CD46: variants seen among roughly 807,000 people sequenced by gnomAD.
CD46 encodes the protein CD46 molecule.
CD46 carries 30 observed loss-of-function variants against 53.3 expected under a neutral mutation model. The observed-to-expected ratio is 0.56, with a 90% CI of 0.42 to 0.76. The LOEUF (loss-of-function observed/expected upper bound fraction) is 0.76. Among genes scored for constraint, CD46 ranks in the 30% least tolerant of loss-of-function variants. CD46 has a pLI of 0.00. For synonymous variants in CD46, 142 were observed against 152.0 expected (o/e 0.93, Z 0.48); for missense variants, 409 against 463.0 (o/e 0.88, Z 1.07).
chr1:207,776,507 TA>T (rs1658123747), intron 8 of CD46, among the ~76,000 whole-genome samples: 1 of 152,264 alleles, frequency 6.6e-6, no homozygotes, highest in Non-Finnish European at 1.5e-5. Context: ...TTTTTTTACT[TA>T]AAATTTTTTT....
chr1:207,764,143 T>C (rs1157002110), intron 5 of CD46, among the ~76,000 whole-genome samples: 1 of 152,178 alleles, frequency 6.6e-6, no homozygotes, highest in Non-Finnish European at 1.5e-5. Flanking sequence ...CGCCTTGTGA[T>C]AGGCGGTGTT....
chr1:207,769,982 T>C, intron 7 of CD46: 1 of 253,110 alleles, frequency 4.0e-6, no homozygotes, highest in South Asian at 4.8e-5. Flanking sequence ...GCCTGGCTAG[T>C]CTCGAACTCC....
At position 207,752,161 on chromosome 1, in the gene CD46, C is replaced by A. The variant is rs965455309; in HGVS notation, c.-52C>A. ...AAGGGACTTCCCTGCTCGGCTGGCT[C>A]TCGGTTTCTCTGCTTTCCTCCGGAG... On this transcript the variant is annotated 5_prime_UTR_variant, in exon 1 of 13. Transcript: ENST00000367042. The surrounding 1 kb of genome is among the most constrained non-coding windows in gnomAD (Gnocchi z 4.1). The A allele has an allele frequency of 1.9e-6, 3 of 1,556,006 alleles. No homozygotes were observed. In the African/African-American group the frequency reaches 4.1e-5, roughly 21 times the overall value.
intron 5 of CD46, 131 bp downstream of exon 5, chr1:207,761,577 T>G: frequency 4.0e-6 from 3 of 750,356 alleles, no homozygotes; most frequent in Non-Finnish European, 6.8e-6. Flanking sequence ...CTAATTTATT[T>G]TAATTCAGGT....
In CD46 at chr1:207,793,769, T is replaced by C; in HGVS notation, c.*292T>C. The C allele has an allele frequency of 1.5e-6, 1 of 673,848 alleles. No individual in the cohort carries two copies. Among genetic ancestry groups the C allele is most frequent in the Non-Finnish European group, 2.7e-6 (1 of 364,202 alleles). The allele number at this position is 673,848 out of a possible 1,614,324, so 41.7% of individuals were successfully genotyped here. ...TTTGAAACTTGTATGAATTTGGGTATGAACAGATTGCCTGCTTTCCCTTAA... is the reference window on the plus strand; with the variant it reads ...TTTGAAACTTGTATGAATTTGGGTACGAACAGATTGCCTGCTTTCCCTTAA... On this transcript the variant is annotated 3_prime_UTR_variant, in exon 13 of 13. Coordinates refer to ENST00000367042, the MANE Select transcript of CD46 (RefSeq NM_172351.3).
Position 207,785,054 on chromosome 1 carries a change from AC to A in CD46, c.983-16del, listed in dbSNP as rs1345747111. 1.2e-6 allele frequency: 2 copies of A among 1,608,862 alleles called. No individual in the cohort carries two copies. Among genetic ancestry groups the A allele is most frequent in the African/African-American group, 2.7e-5 (2 of 74,844 alleles). The stretch of plus-strand genomic sequence containing the variant: ...AGATCCATGTGTTCAACATCTTGGA[AC>A]TGTTTTCTTTCTCAGATGTTTGGGT... On this transcript the variant is annotated splice_polypyrimidine_tract_variant and intron_variant, in intron 9 of 12. Coordinates refer to ENST00000367042, the MANE Select transcript of CD46 (RefSeq NM_172351.3).
At chr1:207,773,317 C>T (rs922866677) in intron 8 of CD46, among the ~76,000 whole-genome samples, 2 of 152,086 alleles carry the variant, frequency 1.3e-5, no homozygotes, top group Non-Finnish European at 2.9e-5. Flanking sequence ...TGCTAGCGGT[C>T]ATTTTTGTTG....
intron 7 of CD46, chr1:207,768,381 A>G (rs1305483862): frequency 1.3e-5 from 2 of 153,478 alleles, no homozygotes; most frequent in Non-Finnish European, 2.9e-5. Flanking sequence ...TTCCTATTGC[A>G]GGACTCTTTC....
chr1:207,761,544 TC>T (rs1443793050), intron 5 of CD46, 98 bp downstream of exon 5: 1 of 927,734 alleles, frequency 1.1e-6, no homozygotes, highest in African/African-American at 1.6e-5. Context: ...TGTATGTGCT[TC>T]CTCCTCCTGT....
chr1:207,790,579 AG>A (rs1389114801), intron 12 of CD46, among the ~76,000 whole-genome samples: 1 of 152,168 alleles, frequency 6.6e-6, no homozygotes. Context: ...ATGTTCCCCT[AG>A]TCCTTTTATC....
chr1:207,776,903 T>C (rs1417890528), intron 8 of CD46, among the ~76,000 whole-genome samples: 1 of 152,236 alleles, frequency 6.6e-6, no homozygotes, highest in African/African-American at 2.4e-5. Flanking sequence ...CCCAAAGTGC[T>C]AGGATTACAG....
At chr1:207,780,457 A>G (rs971340311) in intron 8 of CD46, among the ~76,000 whole-genome samples, 2 of 152,134 alleles carry the variant, frequency 1.3e-5, no homozygotes. Flanking sequence ...GTTGCTAGAC[A>G]CTTGGGTTGG....
intron 9 of CD46, 79 bp from the exon 10 acceptor site, chr1:207,784,992 G>C: frequency 8.4e-7 from 1 of 1,188,312 alleles, no homozygotes; most frequent in Non-Finnish European, 1.2e-6. Context: ...ACCATATCAA[G>C]TGTTTAGATG....
At chr1:207,774,841 T>C (rs889947776) in intron 8 of CD46, among the ~76,000 whole-genome samples, 1 of 152,230 alleles carries the variant, frequency 6.6e-6, no homozygotes, top group African/African-American at 2.4e-5. Flanking sequence ...TCAACCTTGG[T>C]GAATCTGACG....
At chr1:207,756,837 G>T (rs1385316302) in intron 1 of CD46, among the ~76,000 whole-genome samples, 177 bp from the exon 2 acceptor site, 1 of 152,208 alleles carries the variant, frequency 6.6e-6, no homozygotes, top group Non-Finnish European at 1.5e-5. Context: ...CTTAAAACAT[G>T]CAAGTCCCAT....
At chr1:207,776,003 A>T (rs1352369778) in intron 8 of CD46, among the ~76,000 whole-genome samples, 1 of 152,126 alleles carries the variant, frequency 6.6e-6, no homozygotes, top group Admixed American at 6.5e-5. Context: ...GCCCTTACTG[A>T]GCTGCGGTGG....
At chr1:207,775,166 C>T (rs1348618086) in intron 8 of CD46, among the ~76,000 whole-genome samples, 2 of 152,100 alleles carry the variant, frequency 1.3e-5, no homozygotes, top group East Asian at 1.9e-4. Flanking sequence ...TCCACTTGAT[C>T]GAATCAGCTA....
intron 11 of CD46, among the ~76,000 whole-genome samples, chr1:207,788,379 A>G (rs1338522236): frequency 1.4e-5 from 2 of 142,620 alleles, no homozygotes; most frequent in Non-Finnish European, 1.5e-5. Flanking sequence ...AAAAAAAAAA[A>G]TAGTGGCGGG....
intron 11 of CD46, 102 bp from the exon 12 acceptor site, chr1:207,790,151 G>A (rs373972100): frequency 1.3e-6 from 1 of 760,074 alleles, no homozygotes; most frequent in South Asian, 1.4e-5. Context: ...CAGCTTTCCT[G>A]CTACTCTCTT....
Sources: gnomAD v4.1 joint callset for allele counts (sites outside exome capture counted in the v4.1 genomes callset) on GRCh38, gnomAD v4.1.1 for gene constraint, Gnocchi (gnomAD v3.1) non-coding constraint, MANE v1.5 for transcripts, NCBI Gene and HGNC (gene_info 2026-07-23, HGNC 2026-07-21) for gene names.